The following ANKFN1 variants were observed in gnomAD, a reference collection of about 807,000 sequenced individuals.
ANKFN1 encodes ankyrin repeat and fibronectin type-III domain-containing protein 1.
ANKFN1 carries 74 observed loss-of-function variants against 108.7 expected under a neutral mutation model. That is an observed-to-expected ratio of 0.68 (90% CI 0.56 to 0.83). The LOEUF is 0.83. Among genes scored for constraint, ANKFN1 ranks in the 40% least tolerant of loss-of-function variants. The pLI is 0.00. For synonymous variants in ANKFN1, 547 were observed against 516.2 expected (o/e 1.06, Z -0.81); for missense variants, 1,505 against 1,382.3 (o/e 1.09, Z -1.41).
chr17:56,362,074 G>C (rs2144723048), intron 6 of ANKFN1, among the ~76,000 whole-genome samples: 1 of 152,214 alleles, frequency 6.6e-6, no homozygotes, highest in Middle Eastern at 3.4e-3. Context: ...AGGCCCTCCT[G>C]GAGGCTGGCT....
chr17:56,227,294 T>G (rs1297080746), intron 2 of ANKFN1, among the ~76,000 whole-genome samples: 1 of 152,142 alleles, frequency 6.6e-6, no homozygotes, highest in Non-Finnish European at 1.5e-5. Context: ...CCTGCACAAT[T>G]GGCCTTCCAA....
chr17:56,371,533 A>G (rs2046809958), intron 6 of ANKFN1, among the ~76,000 whole-genome samples: 1 of 152,188 alleles, frequency 6.6e-6, no homozygotes, highest in Non-Finnish European at 1.5e-5. Context: ...TTTCTTTCCC[A>G]CCCACCAGGG....
intron 4 of ANKFN1, among the ~76,000 whole-genome samples, chr17:56,121,931 G>T (rs2143299833): frequency 6.6e-6 from 1 of 152,294 alleles, no homozygotes; most frequent in South Asian, 2.1e-4. Context: ...AGGTGCTGGG[G>T]TTTTAGGGTA....
intron 3 of ANKFN1, among the ~76,000 whole-genome samples, chr17:56,285,449 A>G (rs1162007928): frequency 2.0e-5 from 3 of 152,108 alleles, no homozygotes; most frequent in Non-Finnish European, 2.9e-5. Context: ...TGACTCCTTT[A>G]TGCCTTTTTC....
intron 4 of ANKFN1, among the ~76,000 whole-genome samples, chr17:56,125,477 G>T (rs1352729602): frequency 6.6e-6 from 1 of 152,180 alleles, no homozygotes; most frequent in African/African-American, 2.4e-5. Flanking sequence ...CTCTTGAAGG[G>T]TGAGTAGGAC....
chr17:56,474,457 C>T (rs1443582166), intron 15 of ANKFN1, among the ~76,000 whole-genome samples: 4 of 152,180 alleles, frequency 2.6e-5, no homozygotes, highest in Non-Finnish European at 5.9e-5. Flanking sequence ...TGGATGACTG[C>T]AAATTGATTG....
chr17:56,329,325 G>A (rs1326259125), intron 4 of ANKFN1, among the ~76,000 whole-genome samples: 1 of 152,124 alleles, frequency 6.6e-6, no homozygotes, highest in Non-Finnish European at 1.5e-5. Context: ...ACACCATGAT[G>A]TTTCCCATCT....
chr17:56,421,762 G>T (rs1431566559), intron 8 of ANKFN1, among the ~76,000 whole-genome samples: 2 of 151,924 alleles, frequency 1.3e-5, no homozygotes, highest in African/African-American at 4.8e-5. Flanking sequence ...GTCATTTAAC[G>T]ACCCAATCAG....
At chr17:56,303,682 T>A (rs1159306223) in intron 3 of ANKFN1, among the ~76,000 whole-genome samples, 2 of 152,092 alleles carry the variant, frequency 1.3e-5, no homozygotes, top group Non-Finnish European at 2.9e-5. Flanking sequence ...ATGTGCTCTT[T>A]TTTTAATTAT....
At chr17:56,204,795 G>T (rs1278407534) in intron 1 of ANKFN1, among the ~76,000 whole-genome samples, 1 of 152,134 alleles carries the variant, frequency 6.6e-6, no homozygotes, top group Admixed American at 6.5e-5. Flanking sequence ...CTTTGTACTG[G>T]CTGGGCGCGG....
intron 1 of ANKFN1, among the ~76,000 whole-genome samples, chr17:56,188,573 GTGTGTGTGTATATA>G (rs1488435716): frequency 5.2e-5 from 5 of 95,450 alleles, no homozygotes; most frequent in Non-Finnish European, 9.8e-5. Context: ...ATGTGTGTGT[GTGTGTGTGTATATA>G]TATATATATA....
At chr17:56,338,320 G>A (rs1212229905) in intron 4 of ANKFN1, among the ~76,000 whole-genome samples, 1 of 152,152 alleles carries the variant, frequency 6.6e-6, no homozygotes, top group Non-Finnish European at 1.5e-5. Flanking sequence ...GGAGCTGGGG[G>A]AGGGATAGCA....
intron 1 of ANKFN1, among the ~76,000 whole-genome samples, chr17:56,199,267 C>CAAAAAAA (rs35028021): frequency 7.8e-6 from 1 of 128,784 alleles, no homozygotes; most frequent in Non-Finnish European, 1.7e-5. Context: ...ATTGCTGTTA[C>CAAAAAAA]AAAAAAAAAA....
At chr17:56,101,394 A>G (rs1001767145) in intron 4 of ANKFN1, among the ~76,000 whole-genome samples, 1 of 152,164 alleles carries the variant, frequency 6.6e-6, no homozygotes, top group African/African-American at 2.4e-5. Flanking sequence ...TTCCCTCCTC[A>G]TTAACCTACA....
chr17:56,384,733 A>G (rs2047211498), intron 8 of ANKFN1, among the ~76,000 whole-genome samples: 1 of 152,170 alleles, frequency 6.6e-6, no homozygotes, highest in Non-Finnish European at 1.5e-5. Flanking sequence ...CTTCAAAGAG[A>G]ATAAAATACC....
intron 4 of ANKFN1, among the ~76,000 whole-genome samples, chr17:56,124,832 C>T (rs1906829137): frequency 6.6e-6 from 1 of 152,180 alleles, no homozygotes; most frequent in Non-Finnish European, 1.5e-5. Flanking sequence ...CCCTTTTCTC[C>T]CCATATTTTT....
At chr17:56,499,456 A>G (rs2051299318) in intron 20 of ANKFN1, among the ~76,000 whole-genome samples, 2 of 152,124 alleles carry the variant, frequency 1.3e-5, no homozygotes, top group Non-Finnish European at 2.9e-5. Context: ...AGCAAGACAA[A>G]CTAAGGAAAG....
chr17:56,181,914 T>C (rs1911712183), intron 1 of ANKFN1, among the ~76,000 whole-genome samples: 1 of 152,200 alleles, frequency 6.6e-6, no homozygotes, highest in African/African-American at 2.4e-5. Flanking sequence ...ATGTTGTTAA[T>C]TCTCACAATA....
chr17:56,108,472 C>G (rs1290743442), intron 4 of ANKFN1, among the ~76,000 whole-genome samples: 1 of 152,202 alleles, frequency 6.6e-6, no homozygotes, highest in African/African-American at 2.4e-5. Context: ...TTAGAACACA[C>G]TTACTATATG....
Sources: allele counts gnomAD v4.1 joint callset (sites outside exome capture counted in the v4.1 genomes callset), GRCh38; gene constraint gnomAD v4.1.1; transcripts MANE v1.5; gene names NCBI Gene and HGNC (gene_info 2026-07-23, HGNC 2026-07-21).